The following RNF111 variants were observed in gnomAD, a reference collection of about 807,000 sequenced individuals.
The protein encoded by RNF111 is E3 ubiquitin-protein ligase Arkadia.
In RNF111, 17 loss-of-function variants were observed where a neutral mutation model predicts 95.1. That is an observed-to-expected ratio of 0.18 (90% CI 0.12 to 0.27). The LOEUF is 0.27. RNF111 is among the 10% of genes least tolerant of loss of function. The pLI, the probability that RNF111 is intolerant of heterozygous loss-of-function variation, is 1.00. For missense variants in RNF111, 1,189 were observed against 1,210.4 expected, an observed-to-expected ratio of 0.98 and a Z score of 0.26; for synonymous variants, 440 against 414.8, an observed-to-expected ratio of 1.06 and a Z score of -0.74.
At chr15:58,989,495 CTTGT>C (rs1431694226) in intron 1 of RNF111, among the ~76,000 whole-genome samples, 3 of 152,270 alleles carry the variant, frequency 2.0e-5, no homozygotes, top group East Asian at 1.9e-4. Flanking sequence ...AATGAGTCTC[CTTGT>C]TTATCACGGG....
rs372370012 is a variant in RNF111 at position 59,061,035 on chromosome 15, G to A, written c.1366+2485G>A. Among the ~76,000 whole-genome samples the A allele has an allele frequency of 1.4e-4, 21 of 152,146 alleles. No homozygotes were observed. In the East Asian group the frequency reaches 2.5e-3, roughly 18 times the overall value. ...TGGCCTCAGTCTCCTGGGCTCGAGC[G>A]ATCCACCTGCCTCAGCCTCCAGAAG... On this transcript the variant is annotated intron_variant, in intron 5 of 13. Transcript: ENST00000348370.
intron 6 of RNF111, among the ~76,000 whole-genome samples, chr15:59,074,334 C>T (rs1326720588): frequency 1.3e-5 from 2 of 152,348 alleles, no homozygotes; most frequent in Admixed American, 1.3e-4. Flanking sequence ...TCCTGGATGA[C>T]ATCTTCCAAT....
rs2079163884 is a variant in RNF111 at position 59,095,594 on chromosome 15, T to C, written c.*694T>C. ...GAATATTGATATCATACATTTAGAC[T>C]GCTGTTCTGATTGCATTTATCTTTT... On this transcript the variant is annotated 3_prime_UTR_variant, in exon 14 of 14. Transcript: ENST00000348370. The C allele has an allele frequency of 6.4e-6, 1 of 156,618 alleles. No homozygotes were observed. Among genetic ancestry groups the C allele is most frequent in the South Asian group, 2.0e-4 (1 of 4,880 alleles). The allele number at this position is 156,618 out of a possible 1,614,324, so 9.7% of individuals were successfully genotyped here.
intron 5 of RNF111, among the ~76,000 whole-genome samples, chr15:59,062,097 C>T (rs796107677): frequency 6.8e-4 from 100 of 146,944 alleles, no homozygotes; most frequent in African/African-American, 2.4e-3. Context: ...TGCTTTGTCA[C>T]GTAGGCTAGA....
chr15:59,017,311 T>C (rs16940958), intron 1 of RNF111, among the ~76,000 whole-genome samples: 5,774 of 152,280 alleles, frequency 0.038, 184 homozygotes, highest in African/African-American at 0.086. Context: ...TATGTGACAA[T>C]GCTTATTCAT....
chr15:58,989,506 C>T (rs576163112), intron 1 of RNF111, among the ~76,000 whole-genome samples: 7 of 152,246 alleles, frequency 4.6e-5, no homozygotes, highest in Admixed American at 3.3e-4. Context: ...TTGTTTATCA[C>T]GGGTGCTATA....
intron 1 of RNF111, among the ~76,000 whole-genome samples, chr15:58,993,031 A>G (rs1358669025): frequency 6.6e-6 from 1 of 151,390 alleles, no homozygotes; most frequent in South Asian, 2.1e-4. Context: ...GTAGCCGGGC[A>G]TGGTGGCGGG....
rs764700130 is a variant in RNF111, at chr15:59,055,735, C to A, written c.1061C>A (p.Ser354Tyr). The A allele has an allele frequency of 1.9e-6, 3 of 1,613,774 alleles. No homozygotes were observed. The change falls in exon 4 of 14, where the codon TCT becomes TAT. Residue 354 changes from serine to tyrosine, a missense_variant. Ser to Tyr is a moderately radical substitution (Grantham distance 144, BLOSUM62 -2). Around this residue, in one of 2 missense-constraint regions of RNF111, gnomAD observed 1,024 missense variants for 925.9 expected, o/e 1.11. Transcript: ENST00000348370. ...SRSHWSQGSS[S>Y]HASRPQEPRN... is the part of the protein sequence containing the mutation. Reference sequence around the variant, plus strand: ...TCTCATTGGAGCCAGGGTTCCAGTTCTCATGCAAGTCGGCCACAGGAGCCA... The same window carrying A: ...TCTCATTGGAGCCAGGGTTCCAGTTATCATGCAAGTCGGCCACAGGAGCCA...
At chr15:59,028,441 A>G (rs1230179867) in intron 1 of RNF111, among the ~76,000 whole-genome samples, 7 of 152,118 alleles carry the variant, frequency 4.6e-5, no homozygotes, top group African/African-American at 1.7e-4. Flanking sequence ...TAGGCAGAAT[A>G]AGAGACTAAC....
chr15:59,053,467 A>G (rs1402846176), intron 3 of RNF111, among the ~76,000 whole-genome samples: 1 of 152,226 alleles, frequency 6.6e-6, no homozygotes, highest in Non-Finnish European at 1.5e-5. Flanking sequence ...ACTGATTTTA[A>G]AAGTATATAT....
chr15:59,039,875 C>T (rs1177695462), intron 2 of RNF111, among the ~76,000 whole-genome samples: 5 of 152,062 alleles, frequency 3.3e-5, no homozygotes, highest in Non-Finnish European at 5.9e-5. Flanking sequence ...TGCCACCGTG[C>T]CCAGCTAATT....
chr15:59,064,756 A>G (rs2042586243), intron 5 of RNF111, among the ~76,000 whole-genome samples: 1 of 151,954 alleles, frequency 6.6e-6, no homozygotes, highest in South Asian at 2.1e-4. Context: ...CTTGGAAAAA[A>G]CGAATATACA....
At chr15:59,059,105 C>G (rs1321309228) in intron 5 of RNF111, among the ~76,000 whole-genome samples, 1 of 151,932 alleles carries the variant, frequency 6.6e-6, no homozygotes, top group African/African-American at 2.4e-5. Flanking sequence ...TGGTGAAACC[C>G]TATCTCTATT....
At chr15:59,057,257 A>C (rs761126157) in intron 4 of RNF111, among the ~76,000 whole-genome samples, 7 of 152,202 alleles carry the variant, frequency 4.6e-5, no homozygotes, top group Non-Finnish European at 7.3e-5. Flanking sequence ...CCAAAATGTT[A>C]GTATTGCCAA....
At chr15:59,090,391 G>A (rs377723093) in intron 11 of RNF111, among the ~76,000 whole-genome samples, 7 of 152,192 alleles carry the variant, frequency 4.6e-5, no homozygotes, top group African/African-American at 1.7e-4. Context: ...CACCACGCCC[G>A]GCTAATTTTT....
chr15:59,072,353 T>A (rs967420020), intron 6 of RNF111, among the ~76,000 whole-genome samples: 1 of 152,126 alleles, frequency 6.6e-6, no homozygotes, highest in Non-Finnish European at 1.5e-5. Context: ...TTGGAATCAA[T>A]CCTTTCAAAC....
intron 5 of RNF111, among the ~76,000 whole-genome samples, chr15:59,062,493 C>G (rs1187577146): frequency 3.3e-5 from 5 of 152,166 alleles, no homozygotes; most frequent in Admixed American, 6.5e-5. Context: ...CTTATATATT[C>G]ATTTGTTTAA....
chr15:59,042,652 T>G (rs1441161799), intron 2 of RNF111, among the ~76,000 whole-genome samples: 7 of 152,182 alleles, frequency 4.6e-5, no homozygotes, highest in African/African-American at 1.4e-4. Flanking sequence ...CATGTGACTA[T>G]ACAGTTGTCC....
chr15:59,087,822 T>C lies in RNF111; in HGVS notation c.2551-1845T>C, dbSNP rs144914729. ...TGTTGTTCAAGGGTGAACTGTAATA[T>C]GGTCAGTATGGTGTCATCACAAAAA... On this transcript the variant is annotated intron_variant, in intron 10 of 13. Coordinates refer to ENST00000348370, the MANE Select transcript of RNF111 (RefSeq NM_017610.8). Among the ~76,000 whole-genome samples, 59 of 152,284 alleles carry C rather than the reference T, an allele frequency of 3.9e-4. 1 individual carries two copies. Among genetic ancestry groups the C allele is most frequent in the African/African-American group, 1.2e-3 (48 of 41,564 alleles).
Sources: gnomAD v4.1 joint callset for allele counts (sites outside exome capture counted in the v4.1 genomes callset) on GRCh38, gnomAD v4.1.1 for gene constraint, gnomAD v4.1.1 regional missense constraint, MANE v1.5 for transcripts, NCBI Gene and HGNC (gene_info 2026-07-23, HGNC 2026-07-21) for gene names.